MEIS2: variants seen among roughly 807,000 people sequenced by gnomAD.
MEIS2 encodes homeobox protein Meis2.
MEIS2 carries 9 observed loss-of-function variants against 58.6 expected under a neutral mutation model. The observed-to-expected ratio is 0.15, with a 90% CI of 0.09 to 0.27. The LOEUF (loss-of-function observed/expected upper bound fraction) is 0.27. Ranked by LOEUF, MEIS2 falls within the 10% of genes least tolerant of loss-of-function variation. The pLI, the probability that MEIS2 is intolerant of heterozygous loss-of-function variation, is 1.00. For synonymous variants in MEIS2, 221 were observed against 228.4 expected (o/e 0.97, Z 0.29); for missense variants, 427 against 635.0 (o/e 0.67, Z 3.52).
At chr15:36,926,137 G>A (rs1419961148) in intron 9 of MEIS2, among the ~76,000 whole-genome samples, 1 of 151,320 alleles carries the variant, frequency 6.6e-6, no homozygotes, top group Non-Finnish European at 1.5e-5. Flanking sequence ...TCTGGAAAAT[G>A]AAAGTATATT....
At chr15:37,043,931 CCA>C (rs2062552655) in intron 7 of MEIS2, among the ~76,000 whole-genome samples, 2 of 152,008 alleles carry the variant, frequency 1.3e-5, no homozygotes, top group Non-Finnish European at 2.9e-5. Flanking sequence ...CATGATCTGC[CCA>C]CCTCGGCCTC....
chr15:36,903,766 A>C (rs1476886985), intron 9 of MEIS2, among the ~76,000 whole-genome samples: 1 of 152,196 alleles, frequency 6.6e-6, no homozygotes, highest in Non-Finnish European at 1.5e-5. Flanking sequence ...TGTAAGAGGA[A>C]AAGATCCCAA....
intron 9 of MEIS2, among the ~76,000 whole-genome samples, chr15:36,939,612 G>A (rs1384110842): frequency 6.6e-6 from 1 of 151,882 alleles, no homozygotes; most frequent in Non-Finnish European, 1.5e-5. Context: ...TCTCCATGAT[G>A]TGCCAATTTT....
At chr15:37,056,611 A>G (rs964109221) in intron 7 of MEIS2, among the ~76,000 whole-genome samples, 2 of 152,186 alleles carry the variant, frequency 1.3e-5, no homozygotes, top group Non-Finnish European at 2.9e-5. Flanking sequence ...AAGCGAGCAG[A>G]ACTGATTACA....
At chr15:37,088,676 T>C (rs1023053284) in intron 6 of MEIS2, among the ~76,000 whole-genome samples, 7 of 152,144 alleles carry the variant, frequency 4.6e-5, no homozygotes, top group African/African-American at 1.4e-4. Context: ...ACCTCCCCAC[T>C]TCTACCTCTC....
intron 8 of MEIS2, among the ~76,000 whole-genome samples, chr15:36,978,026 T>C (rs2059815461): frequency 6.6e-6 from 1 of 152,236 alleles, no homozygotes. Context: ...GACATAACTT[T>C]AACCTGTGAC....
At chr15:36,994,568 G>A (rs574074365) in intron 8 of MEIS2, among the ~76,000 whole-genome samples, 2 of 152,210 alleles carry the variant, frequency 1.3e-5, no homozygotes, top group South Asian at 4.1e-4. Flanking sequence ...ACACAGATAT[G>A]TCAGTTTGAA....
chr15:37,097,689 G>C (rs1357290124), intron 2 of MEIS2, among the ~76,000 whole-genome samples: 2 of 152,208 alleles, frequency 1.3e-5, no homozygotes, highest in African/African-American at 4.8e-5. Context: ...TGTCCTCGGG[G>C]AGAAGGCCCC....
chr15:36,909,962 A>T (rs557629411), intron 9 of MEIS2, among the ~76,000 whole-genome samples: 1 of 152,206 alleles, frequency 6.6e-6, no homozygotes, highest in South Asian at 2.1e-4. Flanking sequence ...AGGCACTTTG[A>T]GAGGCCAAGG....
intron 3 of MEIS2, 154 bp from the exon 4 acceptor site, chr15:37,095,768 T>C (rs1894146073): frequency 9.1e-7 from 1 of 1,101,124 alleles, no homozygotes; most frequent in Non-Finnish European, 1.3e-6. Context: ...ATTAGTGGAG[T>C]CCCTGAAGAA....
chr15:36,935,964 T>C (rs1309461849), intron 9 of MEIS2, among the ~76,000 whole-genome samples: 1 of 152,176 alleles, frequency 6.6e-6, no homozygotes, highest in Non-Finnish European at 1.5e-5. Flanking sequence ...AATTCCCCAT[T>C]ACCTGCAAAT....
intron 9 of MEIS2, among the ~76,000 whole-genome samples, chr15:36,942,831 C>A (rs2058422758): frequency 1.3e-5 from 2 of 152,080 alleles, no homozygotes; most frequent in Middle Eastern, 3.4e-3. Context: ...CAGGCTATGG[C>A]CCCCAAGACT....
At chr15:37,100,844 T>C (rs908210855), upstream of MEIS2, 5 of 149,618 alleles carry the variant, frequency 3.3e-5, no homozygotes, top group Middle Eastern at 3.2e-3. Flanking sequence ...ACAGGGAAAG[T>C]ACGGTACCGC....
At chr15:36,961,036 A>T (rs2059162225) in intron 8 of MEIS2, among the ~76,000 whole-genome samples, 1 of 152,050 alleles carries the variant, frequency 6.6e-6, no homozygotes, top group African/African-American at 2.4e-5. Context: ...TTTTTTTTAG[A>T]ACAGCCTCTG....
intron 6 of MEIS2, among the ~76,000 whole-genome samples, chr15:37,092,676 T>G (rs1893677205): frequency 6.9e-6 from 1 of 144,496 alleles, no homozygotes. Context: ...TTTTTCAAAT[T>G]TTCAGTCTCA....
intron 7 of MEIS2, among the ~76,000 whole-genome samples, chr15:37,067,422 C>T (rs1890098126): frequency 6.6e-6 from 1 of 151,884 alleles, no homozygotes; most frequent in Admixed American, 6.6e-5. Context: ...AAGAATGGAA[C>T]CTTGCCCAGG....
chr15:37,083,548 G>A (rs1450565055), intron 7 of MEIS2, among the ~76,000 whole-genome samples: 1 of 152,240 alleles, frequency 6.6e-6, no homozygotes, highest in East Asian at 1.9e-4. Context: ...CTAATCAATT[G>A]TTATTGTAAT....
intron 4 of MEIS2, 131 bp downstream of exon 4, chr15:37,095,433 T>G: frequency 2.8e-6 from 4 of 1,409,370 alleles, no homozygotes; most frequent in Non-Finnish European, 9.8e-7. Flanking sequence ...AGCTGCTCCC[T>G]TCCTCCCTCT....
intron 8 of MEIS2, among the ~76,000 whole-genome samples, chr15:36,991,822 C>A: frequency 9.4e-6 from 1 of 105,824 alleles, no homozygotes; most frequent in African/African-American, 3.5e-5. Context: ...GAGTCTCGCT[C>A]TGTCGCCCAG....
Sources: allele counts gnomAD v4.1 joint callset (sites outside exome capture counted in the v4.1 genomes callset), GRCh38; gene constraint gnomAD v4.1.1; transcripts MANE v1.5; gene names NCBI Gene and HGNC (gene_info 2026-07-23, HGNC 2026-07-21).